EPHB2: variants seen among roughly 807,000 people sequenced by gnomAD.
EPHB2 encodes ephrin type-B receptor 2.
In EPHB2, 18 loss-of-function variants were observed where a neutral mutation model predicts 96.4. The observed-to-expected ratio is 0.19, with a 90% confidence interval of 0.13 to 0.28. EPHB2 has a LOEUF of 0.28. Among genes scored for constraint, EPHB2 ranks in the 10% least tolerant of loss-of-function variants. The pLI is 1.00. For synonymous variants in EPHB2, 506 were observed against 534.1 expected, an observed-to-expected ratio of 0.95 and a Z score of 0.72; for missense variants, 989 against 1,355.4, an observed-to-expected ratio of 0.73 and a Z score of 4.25.
intron 1 of EPHB2, among the ~76,000 whole-genome samples, chr1:22,744,051 A>G (rs1365065308): frequency 6.6e-6 from 1 of 152,226 alleles, no homozygotes; most frequent in African/African-American, 2.4e-5. Flanking sequence ...ACTAAAAAGA[A>G]TCAGATCACA....
chr1:22,908,948 G>T, intron 12 of EPHB2, 74 bp from the exon 13 acceptor site: 1 of 1,594,642 alleles, frequency 6.3e-7, no homozygotes. Context: ...ACAGGGCACA[G>T]GGTGGGAGGA....
intron 3 of EPHB2, among the ~76,000 whole-genome samples, chr1:22,789,044 G>A (rs1644654637): frequency 6.6e-6 from 1 of 152,112 alleles, no homozygotes; most frequent in Non-Finnish European, 1.5e-5. Flanking sequence ...ATGAGCCACC[G>A]TGCCCAGCTG....
chr1:22,901,253 C>T (rs1047822349), intron 9 of EPHB2, among the ~76,000 whole-genome samples: 37 of 152,208 alleles, frequency 2.4e-4, no homozygotes, highest in African/African-American at 7.5e-4. Flanking sequence ...AAGATACTCT[C>T]GTTTAATCTT....
chr1:22,738,211 G>A (rs1406165111), intron 1 of EPHB2, among the ~76,000 whole-genome samples: 1 of 152,190 alleles, frequency 6.6e-6, no homozygotes, highest in Non-Finnish European at 1.5e-5. Flanking sequence ...TGGGATCCTT[G>A]TCTTAGTTTC....
chr1:22,890,654 A>G (rs1639361454), intron 6 of EPHB2, among the ~76,000 whole-genome samples: 1 of 152,068 alleles, frequency 6.6e-6, no homozygotes, highest in Non-Finnish European at 1.5e-5. Flanking sequence ...CCCAAATCTC[A>G]TCTTGAATTG....
At chr1:22,739,451 A>G (rs765120516) in intron 1 of EPHB2, among the ~76,000 whole-genome samples, 4 of 152,094 alleles carry the variant, frequency 2.6e-5, no homozygotes, top group Non-Finnish European at 5.9e-5. Flanking sequence ...CCTGACCTCA[A>G]GTGATCCACC....
intron 3 of EPHB2, among the ~76,000 whole-genome samples, chr1:22,836,478 C>T (rs145638134): frequency 4.0e-4 from 61 of 152,298 alleles, no homozygotes; most frequent in African/African-American, 1.3e-3. Flanking sequence ...GAATGTTGTG[C>T]GTTGGACATT....
intron 3 of EPHB2, among the ~76,000 whole-genome samples, chr1:22,789,024 G>C (rs1476003497): frequency 6.6e-6 from 1 of 152,142 alleles, no homozygotes; most frequent in Non-Finnish European, 1.5e-5. Context: ...CTAAAGCTGG[G>C]ATTACAGGCA....
intron 1 of EPHB2, among the ~76,000 whole-genome samples, chr1:22,720,579 T>C (rs1284354018): frequency 6.7e-6 from 1 of 148,880 alleles, no homozygotes; most frequent in Non-Finnish European, 1.5e-5. Flanking sequence ...GCAGCCATAT[T>C]TGGAGACAGC....
In EPHB2 at chr1:22,911,143, A is replaced by AAAAAAAATAAAT. The variant is rs368231548; in HGVS notation, c.2696+571_2696+572insAAAATAAATAAA. Among the ~76,000 whole-genome samples the AAAAAAAATAAAT allele has an allele frequency of 9.7e-3, 1,304 of 133,774 alleles. 17 individuals carry two copies. Among genetic ancestry groups the AAAAAAAATAAAT allele is most frequent in the African/African-American group, 0.041 (1,226 of 29,998 alleles). The allele number at this position is 133,774 out of a possible 152,430, so 87.8% of individuals were successfully genotyped here. On this transcript the variant is annotated intron_variant, in intron 14 of 15. Coordinates refer to ENST00000374630, the MANE Select transcript of EPHB2 (RefSeq NM_017449.5). ...TGGCAAGAGTGAAACTCCATCTAAA[A>AAAAAAAATAAAT]AAATAAATAAATAAATAAATAAATA...
chr1:22,898,812 T>C (rs1639654518), intron 9 of EPHB2, among the ~76,000 whole-genome samples: 1 of 152,188 alleles, frequency 6.6e-6, no homozygotes, highest in Non-Finnish European at 1.5e-5. Flanking sequence ...CTAGATTTGC[T>C]GCAGGACTGG....
intron 3 of EPHB2, among the ~76,000 whole-genome samples, chr1:22,811,858 G>A (rs1272439858): frequency 6.6e-6 from 1 of 151,962 alleles, no homozygotes; most frequent in Non-Finnish European, 1.5e-5. Flanking sequence ...GGGCAACATA[G>A]TGAGACCCCA....
At position 22,841,777 on chromosome 1, in the gene EPHB2, G is replaced by A. The variant is rs548242365; in HGVS notation, c.812-21260G>A. Among the ~76,000 whole-genome samples the A allele has an allele frequency of 6.6e-5, 10 of 152,336 alleles. No homozygotes were observed. The South Asian group carries it at 1.7e-3, about 25-fold the overall frequency. ...GGTCACTCCTGCTGTATATGTCACAGTGCCGGAAGTGTCCATCATTTGATG... is the reference window on the plus strand; with the variant it reads ...GGTCACTCCTGCTGTATATGTCACAATGCCGGAAGTGTCCATCATTTGATG... On this transcript the variant is annotated intron_variant, in intron 3 of 15. Coordinates refer to ENST00000374630, the MANE Select transcript of EPHB2 (RefSeq NM_017449.5).
intron 3 of EPHB2, among the ~76,000 whole-genome samples, chr1:22,797,185 C>T (rs1336659793): frequency 6.6e-6 from 1 of 152,122 alleles, no homozygotes; most frequent in Non-Finnish European, 1.5e-5. Context: ...ATTCTGAAGC[C>T]CCCTTGCTGC....
At chr1:22,834,408 G>A (rs1454358820) in intron 3 of EPHB2, among the ~76,000 whole-genome samples, 1 of 152,168 alleles carries the variant, frequency 6.6e-6, no homozygotes, top group Non-Finnish European at 1.5e-5. Flanking sequence ...CATGACTTCG[G>A]ACGATTAAAA....
rs532292739 is a variant in EPHB2, at chr1:22,882,318, C to T, written c.1304-41C>T. The stretch of plus-strand genomic sequence containing the variant: ...GAGGGTGGGCCAGAAGCTGCACCTT[C>T]TCATGCCTCCCTGATCCCTGACCTC... On this transcript the variant is annotated intron_variant, in intron 5 of 15. Coordinates refer to ENST00000374630, the MANE Select transcript of EPHB2 (RefSeq NM_017449.5). The T allele has an allele frequency of 4.3e-6, 7 of 1,610,830 alleles. No individual in the cohort carries two copies. The African/African-American group carries it at 6.7e-5, about 15-fold the overall frequency.
intron 5 of EPHB2, among the ~76,000 whole-genome samples, chr1:22,870,942 G>A (rs1435431720): frequency 6.6e-6 from 1 of 152,214 alleles, no homozygotes; most frequent in Non-Finnish European, 1.5e-5. Flanking sequence ...TTTCAGCTAA[G>A]CTATGCAAGG....
intron 1 of EPHB2, among the ~76,000 whole-genome samples, chr1:22,746,306 A>G (rs930186237): frequency 1.3e-5 from 2 of 152,204 alleles, no homozygotes; most frequent in Non-Finnish European, 2.9e-5. Flanking sequence ...GAAGTGACAC[A>G]TAAGTATGGA....
In EPHB2 at chr1:22,895,490, T is replaced by C. The variant is rs1639527612; in HGVS notation, c.1610T>C (p.Ile537Thr). ...TMTEAEYQTS[I>T]QEKLPLIIGS... is the part of the protein sequence containing the mutation. ...TCCCCAGCCGAGTACCAGACAAGCA[T>C]CCAGGAGAAGTTGCCACTCATCATC... Residue 537 changes from isoleucine to threonine, a missense_variant, in exon 8 of 16, where the codon ATC becomes ACC. By Grantham distance (89) the Ile-to-Thr change is moderately conservative. Transcript: ENST00000374630. 5 of 1,614,094 alleles carry C rather than the reference T, an allele frequency of 3.1e-6. No individual in the cohort carries two copies. The African/African-American group carries it at 4.0e-5, about 13-fold the overall frequency.
Sources: allele counts gnomAD v4.1 joint callset (sites outside exome capture counted in the v4.1 genomes callset), GRCh38; gene constraint gnomAD v4.1.1; transcripts MANE v1.5; gene names NCBI Gene and HGNC (gene_info 2026-07-23, HGNC 2026-07-21).